Variants in HK1 observed in about 807,000 individuals in gnomAD.
HK1 encodes hexokinase-1.
A neutral mutation model predicts 91.6 loss-of-function variants in HK1; 28 were observed. The observed-to-expected ratio is 0.31, with a 90% CI of 0.23 to 0.42. The LOEUF (loss-of-function observed/expected upper bound fraction) is 0.42, where lower values mean the gene tolerates loss of function less well. HK1 is among the 10% of genes least tolerant of loss of function. The probability of loss-of-function intolerance (pLI) is 1.00; values close to 1 mark genes in which losing one functional copy is unlikely to be tolerated. For synonymous variants in HK1, 430 were observed against 468.1 expected, an observed-to-expected ratio of 0.92 and a Z score of 1.05; for missense variants, 770 against 1,219.8, an observed-to-expected ratio of 0.63 and a Z score of 5.49.
intron 2 of HK1, among the ~76,000 whole-genome samples, chr10:69,344,822 A>T (rs1348312002): frequency 1.3e-5 from 2 of 148,610 alleles, no homozygotes; most frequent in Non-Finnish European, 3.0e-5. Flanking sequence ...TGGCGCCCTC[A>T]CAGGAATCCC....
At chr10:69,270,604 G>C (rs145260535) in intron 1 of HK1, among the ~76,000 whole-genome samples, 2 of 151,878 alleles carry the variant, frequency 1.3e-5, no homozygotes, top group Non-Finnish European at 2.9e-5. Flanking sequence ...AAAAGGAAGA[G>C]AGAGCATCTT....
At chr10:69,310,778 TG>T (rs1360088305) in intron 5 of HK1, among the ~76,000 whole-genome samples, 1 of 152,094 alleles carries the variant, frequency 6.6e-6, no homozygotes, top group Non-Finnish European at 1.5e-5. Context: ...ATTGGTTGGC[TG>T]GGCCTGGTGG....
chr10:69,392,165 C>G lies in HK1; in HGVS notation c.2076C>G (p.Asn692Lys). Reference sequence around the variant, plus strand: ...CCTGCTACATGGAGGAGATGAAGAACGTGGAGATGGTGGAGGGGGACCAGG... The same window carrying G: ...CCTGCTACATGGAGGAGATGAAGAAGGTGGAGATGGTGGAGGGGGACCAGG... ...SNACYMEEMK[N>K]VEMVEGDQGQ... Residue 692 changes from asparagine (N) to lysine (K), a missense_variant, in exon 15 of 18, where the codon AAC (asparagine) becomes AAG (lysine). Around this residue, in one of 7 missense-constraint regions of HK1, gnomAD observed 152 missense variants for 211.1 expected, o/e 0.72. Transcript: ENST00000359426. 6.2e-7 allele frequency: 1 copy of G among 1,614,102 alleles called. No homozygotes were observed. Among genetic ancestry groups the G allele is most frequent in the Non-Finnish European group, 8.5e-7 (1 of 1,180,028 alleles).
intron 4 of HK1, among the ~76,000 whole-genome samples, chr10:69,297,526 G>T (rs1436169015): frequency 6.6e-6 from 1 of 152,202 alleles, no homozygotes; most frequent in Non-Finnish European, 1.5e-5. Flanking sequence ...TCACAATGAG[G>T]AGGGGTTGAT....
chr10:69,395,166 T>A, intron 16 of HK1, 61 bp downstream of exon 16: 2 of 1,559,288 alleles, frequency 1.3e-6, no homozygotes, highest in Non-Finnish European at 1.8e-6. Flanking sequence ...GGCTGGTGGA[T>A]TGTGATGGGG....
At chr10:69,311,040 G>A (rs373188619), upstream of HK1, among the ~76,000 whole-genome samples, 2 of 148,736 alleles carry the variant, frequency 1.3e-5, no homozygotes, top group Non-Finnish European at 3.0e-5. Flanking sequence ...CTGGGCAACA[G>A]AGTGAGACTC....
At chr10:69,319,040 C>CT (rs769265661) in intron 1 of HK1, 30 bp downstream of exon 1, 1 of 1,581,880 alleles carries the variant, frequency 6.3e-7, no homozygotes, top group Non-Finnish European at 8.6e-7. Context: ...GCCGCTGGTC[C>CT]TGGCCGCAGC....
chr10:69,336,472 C>G (rs572015340), intron 1 of HK1, among the ~76,000 whole-genome samples: 2 of 150,328 alleles, frequency 1.3e-5, no homozygotes, highest in East Asian at 4.0e-4. Context: ...ATTATAGGCA[C>G]GAGCCACCGC....
intron 2 of HK1, among the ~76,000 whole-genome samples, chr10:69,285,295 G>A (rs1038445556): frequency 3.7e-4 from 56 of 152,160 alleles, no homozygotes; most frequent in African/African-American, 1.2e-3. Flanking sequence ...GAGGTGGCGG[G>A]CGCCTGTAGT....
intron 1 of HK1, among the ~76,000 whole-genome samples, chr10:69,320,151 G>T (rs1846925727): frequency 6.6e-6 from 1 of 152,112 alleles, no homozygotes; most frequent in African/African-American, 2.4e-5. Flanking sequence ...CCTACTGAGG[G>T]CAGCGACCTT....
chr10:69,373,519 G>A (rs1850125225), intron 7 of HK1, among the ~76,000 whole-genome samples: 1 of 151,464 alleles, frequency 6.6e-6, no homozygotes, highest in African/African-American at 2.4e-5. Context: ...CCACATGCTT[G>A]TCTTATACTG....
chr10:69,273,376 C>T (rs1336563714), intron 1 of HK1, among the ~76,000 whole-genome samples: 1 of 152,154 alleles, frequency 6.6e-6, no homozygotes, highest in African/African-American at 2.4e-5. Flanking sequence ...TCACCACACC[C>T]AGATAATTTT....
chr10:69,376,926 C>G lies in HK1; in HGVS notation c.876-8C>G, dbSNP rs1839142853. The G allele has an allele frequency of 1.2e-6, 2 of 1,614,046 alleles. No individual in the cohort carries two copies. Among genetic ancestry groups the G allele is most frequent in the Non-Finnish European group, 1.7e-6 (2 of 1,180,014 alleles). On this transcript the variant is annotated splice_polypyrimidine_tract_variant and splice_region_variant and intron_variant, in intron 7 of 17. Transcript: ENST00000359426. The stretch of plus-strand genomic sequence containing the variant: ...GGCTGACAAGTGCCGGTGTGCCTTT[C>G]TCCACAGGTTTGAGAAGATGGTCAG...
At chr10:69,325,289 G>C (rs6480397) in intron 1 of HK1, among the ~76,000 whole-genome samples, 74,807 of 151,328 alleles carry the variant, frequency 0.49, 18,924 homozygotes, top group South Asian at 0.55. Context: ...CTGATCTTGT[G>C]ATCCGCCTGC....
chr10:69,389,805 A>G (rs1020609372), intron 14 of HK1, among the ~76,000 whole-genome samples: 4 of 152,156 alleles, frequency 2.6e-5, no homozygotes, highest in Non-Finnish European at 4.4e-5. Flanking sequence ...CTGTGTGCGC[A>G]TGGTCCCAGC....
chr10:69,346,143 A>G (rs1405837252), intron 2 of HK1, among the ~76,000 whole-genome samples: 2 of 152,202 alleles, frequency 1.3e-5, no homozygotes, highest in African/African-American at 2.4e-5. Flanking sequence ...TCATCCAAGA[A>G]TCAGGAGATC....
chr10:69,356,885 A>G (rs1849164425), intron 2 of HK1, among the ~76,000 whole-genome samples: 1 of 149,564 alleles, frequency 6.7e-6, no homozygotes, highest in South Asian at 2.1e-4. Flanking sequence ...TCCATCTCAA[A>G]AAAAAAAAAA....
intron 1 of HK1, among the ~76,000 whole-genome samples, chr10:69,335,332 C>G (rs1366497139): frequency 6.6e-6 from 1 of 152,198 alleles, no homozygotes; most frequent in African/African-American, 2.4e-5. Context: ...AGGAGCAGAT[C>G]GGACAGCTTG....
intron 1 of HK1, among the ~76,000 whole-genome samples, chr10:69,275,922 C>T (rs1431164087): frequency 6.6e-6 from 1 of 150,384 alleles, no homozygotes; most frequent in Non-Finnish European, 1.5e-5. Flanking sequence ...AATCCTGTCT[C>T]TACTAAAAAT....
Sources: allele counts gnomAD v4.1 joint callset (sites outside exome capture counted in the v4.1 genomes callset), GRCh38; gene constraint gnomAD v4.1.1; regional missense constraint gnomAD v4.1.1; transcripts MANE v1.5; gene names NCBI Gene and HGNC (gene_info 2026-07-23, HGNC 2026-07-21).